The following ICA1L variants were observed in gnomAD, a reference collection of about 807,000 sequenced individuals.
ICA1L encodes the protein islet cell autoantigen 1 like, also known as islet cell autoantigen 1-like protein.
ICA1L carries 50 observed loss-of-function variants against 61.3 expected under a neutral mutation model. That is an observed-to-expected ratio of 0.82 (90% confidence interval 0.65 to 1.03). The LOEUF is 1.03. Among genes scored for constraint, ICA1L ranks in the 50% least tolerant of loss-of-function variants. ICA1L has a pLI of 0.00. For synonymous variants in ICA1L, 161 were observed against 191.3 expected (o/e 0.84, Z 1.31); for missense variants, 508 against 556.7 (o/e 0.91, Z 0.88).
intron 1 of ICA1L, among the ~76,000 whole-genome samples, chr2:202,855,747 T>C (rs1426508076): frequency 6.6e-6 from 1 of 152,096 alleles, no homozygotes; most frequent in Non-Finnish European, 1.5e-5. Flanking sequence ...GAGGAGCTGG[T>C]ACCATTCCTT....
At chr2:202,868,998 A>AC (rs936238294) in intron 1 of ICA1L, among the ~76,000 whole-genome samples, 2 of 152,122 alleles carry the variant, frequency 1.3e-5, no homozygotes, top group South Asian at 2.1e-4. Context: ...AACAACAACA[A>AC]AAAACATTTA....
In ICA1L at chr2:202,788,827, T is replaced by TA; in HGVS notation, c.1243+2dup. 6.2e-7 allele frequency: 1 copy of TA among 1,613,870 alleles called. No homozygotes were observed. Among genetic ancestry groups the TA allele is most frequent in the Non-Finnish European group, 8.5e-7 (1 of 1,179,936 alleles). ...TATGTCCAAATGTTTCATAGACACTTACTGTTGAACGCTCCAGCCACATGA... is the reference window on the plus strand; with the variant it reads ...TATGTCCAAATGTTTCATAGACACTTAACTGTTGAACGCTCCAGCCACATGA... On this transcript the variant is annotated splice_region_variant and intron_variant, in intron 11 of 12. Transcript: ENST00000358299.
At chr2:202,808,141 C>T (rs546660660) in intron 9 of ICA1L, among the ~76,000 whole-genome samples, 1 of 152,240 alleles carries the variant, frequency 6.6e-6, no homozygotes, top group African/African-American at 2.4e-5. Context: ...CCAGCTTGGC[C>T]ACAGTGGGGT....
At chr2:202,814,009 C>A (rs1693456424) in intron 8 of ICA1L, among the ~76,000 whole-genome samples, 2 of 152,116 alleles carry the variant, frequency 1.3e-5, no homozygotes, top group South Asian at 4.1e-4. Context: ...CTTAATCACC[C>A]CAATCAGTTT....
At chr2:202,824,303 A>T (rs553543776) in intron 3 of ICA1L, among the ~76,000 whole-genome samples, 1 of 152,220 alleles carries the variant, frequency 6.6e-6, no homozygotes, top group South Asian at 2.1e-4. Flanking sequence ...TGGGAGGCTG[A>T]GGCAGAGAAT....
rs1694546671 is a variant in ICA1L, at chr2:202,849,196, C to T, written c.-7-20180G>A. The stretch of plus-strand genomic sequence containing the variant: ...GGGTTTCAAGCACAAAACCGGGTGG[C>T]TGTTTGGGCAGACACCGAGCTAGCT... On this transcript the variant is annotated intron_variant, in intron 1 of 12. Coordinates refer to ENST00000358299, the MANE Select transcript of ICA1L (RefSeq NM_001288622.3). This position sits in a 1 kb window ranked among gnomAD's most constrained non-coding sequence, Gnocchi z 4.5. Among the ~76,000 whole-genome samples, 1 of 152,158 alleles carries T rather than the reference C, an allele frequency of 6.6e-6. No individual in the cohort carries two copies. The highest frequency in any genetic ancestry group is 2.4e-5 in the African/African-American group (1 of 41,428).
At chr2:202,786,805 G>A (rs970418885) in intron 11 of ICA1L, 2 of 442,006 alleles carry the variant, frequency 4.5e-6, no homozygotes, top group Middle Eastern at 3.4e-4. Flanking sequence ...GAAACAATAA[G>A]GAAGGAATCA....
rs779180468 is a variant in ICA1L, at chr2:202,829,023, T to C, written c.-7-7A>G. The stretch of plus-strand genomic sequence containing the variant: ...AAAGGAATCCATGGAGTGACTACAA[T>C]GAACAGACTAAAATTAAACTTCTTT... On this transcript the variant is annotated splice_region_variant and splice_polypyrimidine_tract_variant and intron_variant, in intron 1 of 12. Transcript: ENST00000358299. The C allele has an allele frequency of 2.0e-5, 30 of 1,534,024 alleles. No homozygotes were observed. The South Asian group carries it at 3.1e-4, about 16-fold the overall frequency.
chr2:202,774,167 G>A lies in ICA1L; in HGVS notation c.*5366C>T, dbSNP rs1692140483. Reference sequence around the variant, plus strand: ...ATTTGTTGATGCTTCATATCTGAGCGGCTTCTTGGAGAGCGGGCACACCAG... The same window carrying A: ...ATTTGTTGATGCTTCATATCTGAGCAGCTTCTTGGAGAGCGGGCACACCAG... On this transcript the variant is annotated 3_prime_UTR_variant, in exon 13 of 13. Transcript: ENST00000358299. 2.6e-6 allele frequency: 4 copies of A among 1,547,028 alleles called. No homozygotes were observed. Among genetic ancestry groups the A allele is most frequent in the Non-Finnish European group, 3.5e-6 (4 of 1,143,060 alleles).
chr2:202,799,418 T>C (rs986313173), intron 9 of ICA1L, among the ~76,000 whole-genome samples: 1 of 152,240 alleles, frequency 6.6e-6, no homozygotes, highest in Non-Finnish European at 1.5e-5. Context: ...TGGTATGTCT[T>C]CTTTTGAGAA....
chr2:202,829,638 A>G (rs1281121509), intron 1 of ICA1L, among the ~76,000 whole-genome samples: 1 of 152,174 alleles, frequency 6.6e-6, no homozygotes, highest in Non-Finnish European at 1.5e-5. Flanking sequence ...AGACATGCTA[A>G]TACTTGCTTT....
chr2:202,825,182 C>T (rs760351054), intron 3 of ICA1L, among the ~76,000 whole-genome samples: 67 of 152,188 alleles, frequency 4.4e-4, no homozygotes, highest in Middle Eastern at 3.4e-3. Flanking sequence ...TCAGATGCTG[C>T]GCAGGCCCAG....
intron 1 of ICA1L, among the ~76,000 whole-genome samples, chr2:202,867,718 T>A (rs1001789687): frequency 6.6e-6 from 1 of 152,182 alleles, no homozygotes; most frequent in African/African-American, 2.4e-5. Flanking sequence ...AACCAATCTG[T>A]CAATTCAAAG....
At chr2:202,789,696 C>T (rs1336739915) in intron 10 of ICA1L, among the ~76,000 whole-genome samples, 1 of 152,084 alleles carries the variant, frequency 6.6e-6, no homozygotes, top group Non-Finnish European at 1.5e-5. Context: ...ATCTTAAAAC[C>T]TTCTACCAAA....
intron 10 of ICA1L, among the ~76,000 whole-genome samples, chr2:202,793,505 A>T (rs1198149568): frequency 8.3e-5 from 12 of 145,376 alleles, no homozygotes; most frequent in Non-Finnish European, 1.5e-4. Context: ...AAAAAAAAAA[A>T]AAAAAAAAAA....
chr2:202,802,638 A>G (rs1284566424), intron 9 of ICA1L, among the ~76,000 whole-genome samples: 1 of 152,156 alleles, frequency 6.6e-6, no homozygotes, highest in Non-Finnish European at 1.5e-5. Flanking sequence ...TCTGTCTCAA[A>G]AAAAGAAAAA....
chr2:202,868,017 A>G (rs1305202822), intron 1 of ICA1L, among the ~76,000 whole-genome samples: 10 of 152,288 alleles, frequency 6.6e-5, no homozygotes, highest in South Asian at 2.1e-4. Flanking sequence ...AAAACTACAA[A>G]CCAAGTAATT....
At chr2:202,840,680 G>C (rs556871044) in intron 1 of ICA1L, 26 of 595,214 alleles carry the variant, frequency 4.4e-5, no homozygotes, top group African/African-American at 3.5e-4. Flanking sequence ...CAGCTGCTAC[G>C]CCATGTCCTG....
chr2:202,839,558 CTGTGTGTGTGTGTGTGTGTGTGTGTGTG>C (rs57535958), intron 1 of ICA1L, among the ~76,000 whole-genome samples: 42 of 114,438 alleles, frequency 3.7e-4, no homozygotes, highest in East Asian at 1.1e-3. Flanking sequence ...ACAGTTAAGT[CTGTGTGTGTGTGTGTGTGTGTGTGTGTG>C]TGTGTGTGTG....
Sources: allele counts gnomAD v4.1 joint callset (sites outside exome capture counted in the v4.1 genomes callset), GRCh38; gene constraint gnomAD v4.1.1; non-coding constraint Gnocchi (gnomAD v3.1); transcripts MANE v1.5; gene names NCBI Gene and HGNC (gene_info 2026-07-23, HGNC 2026-07-21).